The following TRABD2B variants were observed in gnomAD, a reference collection of about 807,000 sequenced individuals.
TRABD2B encodes the protein TraB domain containing 2B, also known as metalloprotease TIKI2.
A neutral mutation model predicts 40.1 loss-of-function variants in TRABD2B; 14 were observed. The ratio of observed to expected loss-of-function variants is 0.35; its 90% CI spans 0.23 to 0.55. TRABD2B has a LOEUF of 0.55. TRABD2B is among the 20% of genes least tolerant of loss of function. The pLI is 0.90. For missense variants in TRABD2B, 541 were observed against 648.6 expected (o/e 0.83, Z 1.80); for synonymous variants, 263 against 277.0 (o/e 0.95, Z 0.50).
chr1:47,929,107 C>T (rs927176632), intron 2 of TRABD2B, among the ~76,000 whole-genome samples: 2 of 152,220 alleles, frequency 1.3e-5, no homozygotes, highest in African/African-American at 2.4e-5. Flanking sequence ...TCCTACCCAG[C>T]CTTTATGTCT....
chr1:47,990,925 A>G (rs961167743), intron 2 of TRABD2B, among the ~76,000 whole-genome samples: 1 of 149,006 alleles, frequency 6.7e-6, no homozygotes, highest in Non-Finnish European at 1.5e-5. Flanking sequence ...CTACAATACA[A>G]CAAGAAAACC....
intron 2 of TRABD2B, among the ~76,000 whole-genome samples, chr1:47,865,261 G>A (rs1644038801): frequency 6.6e-6 from 1 of 152,068 alleles, no homozygotes; most frequent in Non-Finnish European, 1.5e-5. Flanking sequence ...AGGAAGCCAG[G>A]AGCAGGAAAC....
intron 2 of TRABD2B, among the ~76,000 whole-genome samples, chr1:47,840,680 A>AT (rs1172678654): frequency 4.6e-5 from 7 of 152,312 alleles, no homozygotes; most frequent in African/African-American, 1.4e-4. Flanking sequence ...AGGCCCCCCC[A>AT]GGTCCTGACC....
At chr1:47,827,194 G>A (rs543556127) in intron 2 of TRABD2B, among the ~76,000 whole-genome samples, 38 of 152,328 alleles carry the variant, frequency 2.5e-4, no homozygotes, top group Admixed American at 2.2e-3. Flanking sequence ...CTCAGCCTCC[G>A]GCTCACAGGG....
chr1:47,787,128 A>G lies in TRABD2B; in HGVS notation c.988+7458T>C, dbSNP rs572283614. On this transcript the variant is annotated intron_variant, in intron 4 of 6. Coordinates refer to ENST00000606738, the MANE Select transcript of TRABD2B (RefSeq NM_001194986.2). ...AAGTGAAGAACCATGATGGGGAAGGAGGTTGGTGTGGGTCTTGCCCTGAGG... is the reference window on the plus strand; with the variant it reads ...AAGTGAAGAACCATGATGGGGAAGGGGGTTGGTGTGGGTCTTGCCCTGAGG... Among the ~76,000 whole-genome samples the G allele has an allele frequency of 2.6e-5, 4 of 152,254 alleles. No homozygotes were observed. In the East Asian group the frequency reaches 7.7e-4, roughly 29 times the overall value.
intron 2 of TRABD2B, among the ~76,000 whole-genome samples, chr1:47,914,044 T>C (rs1483965332): frequency 6.6e-6 from 1 of 152,246 alleles, no homozygotes; most frequent in African/African-American, 2.4e-5. Context: ...GTGCTGGAAC[T>C]GCTCACTCTG....
At chr1:47,901,903 A>G (rs1355938092) in intron 2 of TRABD2B, among the ~76,000 whole-genome samples, 1 of 152,024 alleles carries the variant, frequency 6.6e-6, no homozygotes, top group Non-Finnish European at 1.5e-5. Flanking sequence ...TGACATTGAA[A>G]CTGAGCACAG....
At chr1:47,910,471 A>C (rs1275722061) in intron 2 of TRABD2B, among the ~76,000 whole-genome samples, 1 of 152,160 alleles carries the variant, frequency 6.6e-6, no homozygotes, top group African/African-American at 2.4e-5. Context: ...ACAATTAACC[A>C]ACAAAGTTCT....
At chr1:47,876,112 A>G (rs941789884) in intron 2 of TRABD2B, among the ~76,000 whole-genome samples, 5 of 152,322 alleles carry the variant, frequency 3.3e-5, no homozygotes, top group Non-Finnish European at 7.3e-5. Context: ...ACTACTCTAC[A>G]GTAACAGGAA....
intron 4 of TRABD2B, among the ~76,000 whole-genome samples, chr1:47,782,878 G>A (rs1644544213): frequency 6.6e-6 from 1 of 152,234 alleles, no homozygotes; most frequent in Non-Finnish European, 1.5e-5. Flanking sequence ...AGCCTGCAAG[G>A]CTTGCCCAGG....
At chr1:47,839,906 G>C (rs1318239114) in intron 2 of TRABD2B, among the ~76,000 whole-genome samples, 1 of 152,144 alleles carries the variant, frequency 6.6e-6, no homozygotes, top group Non-Finnish European at 1.5e-5. Context: ...GTTGAGTGCT[G>C]TGTCTGGCTG....
chr1:47,891,466 A>G (rs1272620563), intron 2 of TRABD2B, among the ~76,000 whole-genome samples: 4 of 152,112 alleles, frequency 2.6e-5, no homozygotes, highest in African/African-American at 9.7e-5. Context: ...TACCTTGGGT[A>G]AAAAGGGTTC....
chr1:47,966,257 C>A (rs958893437), intron 2 of TRABD2B, among the ~76,000 whole-genome samples: 1 of 150,990 alleles, frequency 6.6e-6, no homozygotes, highest in East Asian at 2.0e-4. Flanking sequence ...TAGCCCAGAA[C>A]CTCCAATGTG....
intron 3 of TRABD2B, among the ~76,000 whole-genome samples, chr1:47,799,772 GTTC>G (rs1252382101): frequency 3.9e-5 from 6 of 152,048 alleles, no homozygotes; most frequent in African/African-American, 1.4e-4. Flanking sequence ...GCCAACTCAG[GTTC>G]TTCCATGCCC....
chr1:47,769,509 T>C (rs1397458211), intron 6 of TRABD2B, among the ~76,000 whole-genome samples: 1 of 152,086 alleles, frequency 6.6e-6, no homozygotes, highest in African/African-American at 2.4e-5. Flanking sequence ...GCAGGACTGG[T>C]GGGTGGGGGG....
At chr1:47,787,363 G>A (rs1339354121) in intron 4 of TRABD2B, among the ~76,000 whole-genome samples, 8 of 152,206 alleles carry the variant, frequency 5.3e-5, no homozygotes, top group Non-Finnish European at 4.4e-5. Context: ...GCCCCTCACT[G>A]TGCAGACAGA....
chr1:47,896,246 C>T (rs565526250), intron 2 of TRABD2B, among the ~76,000 whole-genome samples: 16 of 152,146 alleles, frequency 1.1e-4, no homozygotes, highest in African/African-American at 2.9e-4. Flanking sequence ...GGGAAGCCAG[C>T]GGAGGCTTGG....
chr1:47,943,063 C>T (rs1645208268), intron 2 of TRABD2B, among the ~76,000 whole-genome samples: 1 of 152,192 alleles, frequency 6.6e-6, no homozygotes, highest in South Asian at 2.1e-4. Context: ...TTTGGTTATT[C>T]TGAGCCTTTA....
At chr1:47,952,582 G>C (rs1184569269) in intron 2 of TRABD2B, among the ~76,000 whole-genome samples, 1 of 152,116 alleles carries the variant, frequency 6.6e-6, no homozygotes, top group Non-Finnish European at 1.5e-5. Context: ...CTCCTTCCCT[G>C]ACACTCGAAG....
Sources: gnomAD v4.1 joint callset for allele counts (sites outside exome capture counted in the v4.1 genomes callset) on GRCh38, gnomAD v4.1.1 for gene constraint, MANE v1.5 for transcripts, NCBI Gene and HGNC (gene_info 2026-07-23, HGNC 2026-07-21) for gene names.